The following SAFB2 variants were observed in gnomAD, a reference collection of about 807,000 sequenced individuals.
SAFB2 encodes the protein scaffold attachment factor B2.
In SAFB2, 32 loss-of-function variants were observed where a neutral mutation model predicts 100.6. The observed-to-expected ratio is 0.32, with a 90% CI of 0.24 to 0.43. The LOEUF (loss-of-function observed/expected upper bound fraction) is 0.43, where lower values mean the gene tolerates loss of function less well. SAFB2 is among the 20% of genes least tolerant of loss of function. SAFB2 has a pLI of 1.00. For synonymous variants in SAFB2, 500 were observed against 439.4 expected (o/e 1.14, Z -1.72); for missense variants, 1,185 against 1,163.4 (o/e 1.02, Z -0.27).
intron 8 of SAFB2, 198 bp from the exon 9 acceptor site, chr19:5,610,293 G>A: frequency 1.7e-6 from 1 of 600,458 alleles, no homozygotes; most frequent in Non-Finnish European, 3.0e-6. Context: ...CCTTACTCAA[G>A]GAATAATCAT....
intron 11 of SAFB2, among the ~76,000 whole-genome samples, chr19:5,601,471 G>A (rs1215165754): frequency 6.6e-6 from 1 of 152,162 alleles, no homozygotes; most frequent in African/African-American, 2.4e-5. Flanking sequence ...AGCACTTTGG[G>A]AGACCAAGGT....
intron 18 of SAFB2, among the ~76,000 whole-genome samples, chr19:5,589,275 C>G (rs577146214): frequency 1.3e-3 from 196 of 152,328 alleles, no homozygotes; most frequent in African/African-American, 4.5e-3. Context: ...CTAATGAAGT[C>G]TCACAGGAGA....
chr19:5,610,429 C>G lies in SAFB2; in HGVS notation c.1195+210G>C, dbSNP rs150716475. On this transcript the variant is annotated intron_variant, in intron 8 of 20. Transcript: ENST00000252542. ...TTCCTTTCTTGTAATGTGCTTTTCACCATCCCATAGATGACAACCACAAGA... is the reference window on the plus strand; with the variant it reads ...TTCCTTTCTTGTAATGTGCTTTTCAGCATCCCATAGATGACAACCACAAGA... The G allele has an allele frequency of 4.8e-3, 2,883 of 603,334 alleles. 20 individuals are homozygous for G. Among genetic ancestry groups the G allele is most frequent in the Non-Finnish European group, 6.4e-3 (2,146 of 337,820 alleles). 37.4% of individuals were successfully genotyped at this position (603,334 alleles called of 1,614,324 possible).
At chr19:5,599,088 C>T (rs2052598199) in intron 12 of SAFB2, among the ~76,000 whole-genome samples, 1 of 152,138 alleles carries the variant, frequency 6.6e-6, no homozygotes, top group South Asian at 2.1e-4. Flanking sequence ...CCTCACAGCT[C>T]TTTACACAAC....
At chr19:5,598,656 A>G in intron 13 of SAFB2, 137 bp downstream of exon 13, 2 of 699,314 alleles carry the variant, frequency 2.9e-6, no homozygotes, top group East Asian at 2.7e-5. Context: ...CTGTATCCGC[A>G]ATCTACACAA....
chr19:5,587,541 TC>T lies in SAFB2; in HGVS notation c.2706-143del. 1 of 1,466,406 alleles carries T rather than the reference TC, an allele frequency of 6.8e-7. No homozygotes were observed. The highest frequency in any genetic ancestry group is 9.1e-7 in the Non-Finnish European group (1 of 1,103,138). 90.8% of individuals were successfully genotyped at this position (1,466,406 alleles called of 1,614,324 possible). A position where few individuals can be genotyped will look rare whatever the true frequency, so the allele number is the denominator to read the frequency against. On this transcript the variant is annotated intron_variant, in intron 20 of 20. Transcript: ENST00000252542. The surrounding 1 kb of genome is among the most constrained non-coding windows in gnomAD (Gnocchi z 4.9). The stretch of plus-strand genomic sequence containing the variant: ...GAAAAATCATCATCGCACATTGTAT[TC>T]CAGGTAACTCAAGAGCGTTATTTGC...
chr19:5,622,212 C>G (rs988642011), intron 1 of SAFB2, among the ~76,000 whole-genome samples: 1 of 152,224 alleles, frequency 6.6e-6, no homozygotes, highest in African/African-American at 2.4e-5. Flanking sequence ...AGAAAGGCAC[C>G]TGCCCAAGGT....
At chr19:5,606,749 A>G (rs1228518974) in intron 9 of SAFB2, among the ~76,000 whole-genome samples, 1 of 152,246 alleles carries the variant, frequency 6.6e-6, no homozygotes, top group African/African-American at 2.4e-5. Context: ...ATACCCAGTG[A>G]AAATTTATTT....
intron 12 of SAFB2, among the ~76,000 whole-genome samples, chr19:5,599,145 A>C (rs1286316344): frequency 6.6e-6 from 1 of 152,118 alleles, no homozygotes; most frequent in Non-Finnish European, 1.5e-5. Flanking sequence ...CAGCACGCAC[A>C]CAAGCACGGC....
intron 11 of SAFB2, among the ~76,000 whole-genome samples, chr19:5,602,328 A>C (rs2052675946): frequency 6.6e-6 from 1 of 151,588 alleles, no homozygotes; most frequent in African/African-American, 2.4e-5. Flanking sequence ...AATACAAAAA[A>C]AATTAGCCGG....
Position 5,594,007 on chromosome 19 carries a change from C to G in SAFB2, c.2091G>C (p.Glu697Asp). ...GGATGCGCTCCTGCTCCTTCCTGCG[C>G]TCACGCTCCACGCGCATGCGCTCGC... is the stretch of plus-strand genomic sequence containing the variant. ...LERERMRVERERRKEQERIHR... is the reference protein window; with the variant it reads ...LERERMRVERDRRKEQERIHR... Residue 697 changes from glutamate to aspartate, a missense_variant, in exon 15 of 21, where the codon GAG becomes GAC. Physicochemically the swap from Glu to Asp is conservative, Grantham distance 45 (BLOSUM62 2). Coordinates refer to ENST00000252542, the MANE Select transcript of SAFB2 (RefSeq NM_014649.3). 3.2e-6 allele frequency: 5 copies of G among 1,562,840 alleles called. No individual in the cohort carries two copies. Among genetic ancestry groups the G allele is most frequent in the Non-Finnish European group, 4.3e-6 (5 of 1,161,242 alleles).
chr19:5,622,619 G>T lies in SAFB2; in HGVS notation c.97C>A (p.Leu33Met), dbSNP rs765259803. 1 of 1,612,618 alleles carries T rather than the reference G, an allele frequency of 6.2e-7. No homozygotes were observed. Among genetic ancestry groups the T allele is most frequent in the Non-Finnish European group, 8.5e-7 (1 of 1,179,656 alleles). The stretch of plus-strand genomic sequence containing the variant: ...TCCGCCCGCAGATCGATCACCCGCA[G>T]CTCGCTGAGCCGCCTCGTCCCAGTC... ...AETGTRRLSE[L>M]RVIDLRAELK... The change falls in exon 1 of 21, where the codon CTG becomes ATG. Residue 33 changes from leucine (L) to methionine (M), a missense_variant. Leu to Met is a conservative substitution (Grantham distance 15, BLOSUM62 2). Transcript: ENST00000252542.
At chr19:5,614,542 G>C (rs2052981021) in intron 4 of SAFB2, among the ~76,000 whole-genome samples, 1 of 152,184 alleles carries the variant, frequency 6.6e-6, no homozygotes, top group Non-Finnish European at 1.5e-5. Context: ...GCTGCCCTAG[G>C]TCAAAGGATG....
In SAFB2 at chr19:5,622,623, G is replaced by C. The variant is rs1313154436; in HGVS notation, c.93C>G (p.Ser31Arg). The change falls in exon 1 of 21, where the codon AGC (serine) becomes AGG (arginine). Residue 31 changes from serine (S) to arginine (R), a missense_variant. Around this residue, in one of 3 missense-constraint regions of SAFB2, gnomAD observed 351 missense variants for 341.2 expected, o/e 1.03. Coordinates refer to ENST00000252542, the MANE Select transcript of SAFB2 (RefSeq NM_014649.3). ...GVAETGTRRL[S>R]ELRVIDLRAE... ...CCCGCAGATCGATCACCCGCAGCTC[G>C]CTGAGCCGCCTCGTCCCAGTCTCCG... 1 of 1,612,036 alleles carries C rather than the reference G, an allele frequency of 6.2e-7. No homozygotes were observed. Among genetic ancestry groups the C allele is most frequent in the Non-Finnish European group, 8.5e-7 (1 of 1,179,540 alleles).
At chr19:5,598,636 A>G (rs2052584666) in intron 13 of SAFB2, 157 bp downstream of exon 13, 5 of 652,764 alleles carry the variant, frequency 7.7e-6, no homozygotes, top group East Asian at 2.8e-5. Flanking sequence ...ACCAGGATTC[A>G]TGTGTGTGTC....
intron 11 of SAFB2, among the ~76,000 whole-genome samples, chr19:5,602,404 C>T (rs927373679): frequency 3.8e-5 from 5 of 132,110 alleles, no homozygotes; most frequent in African/African-American, 8.4e-5. Context: ...GGCGTGAACC[C>T]GGGAGGCGGA....
At chr19:5,604,477 C>CT (rs1488508567) in intron 11 of SAFB2, 106 bp downstream of exon 11, 2 of 719,786 alleles carry the variant, frequency 2.8e-6, no homozygotes, top group Non-Finnish European at 4.7e-6. Context: ...GCTGGCAAGG[C>CT]TGCGTGGGTA....
chr19:5,610,071 C>T lies in SAFB2; in HGVS notation c.1220G>A (p.Arg407Gln), dbSNP rs779188321. The T allele has an allele frequency of 3.3e-5, 54 of 1,614,012 alleles. No homozygotes were observed. The highest frequency in any genetic ancestry group is 1.6e-4 in the Middle Eastern group (1 of 6,084). The part of the protein sequence containing the change: ...EKGRVGSGSG[R>Q]NLWVSGLSST... ...GGACAGCCCGCTGACCCACAGGTTC[C>T]GACCAGAACCGCTGCCGACCCGACC... Residue 407 changes from arginine (R) to glutamine (Q), a missense_variant, in exon 9 of 21, where the codon CGG becomes CAG. By Grantham distance (43) the Arg-to-Gln change is conservative (BLOSUM62 1). This residue lies in a region of SAFB2 where 94 missense variants were observed against 135.1 expected (regional missense o/e 0.70). Coordinates refer to ENST00000252542, the MANE Select transcript of SAFB2 (RefSeq NM_014649.3).
In SAFB2 at chr19:5,587,407, CAA is replaced by C. The variant is rs1207240416; in HGVS notation, c.2706-10_2706-9del. On this transcript the variant is annotated splice_polypyrimidine_tract_variant and intron_variant, in intron 20 of 20. Coordinates refer to ENST00000252542, the MANE Select transcript of SAFB2 (RefSeq NM_014649.3). This position sits in a 1 kb window ranked among gnomAD's most constrained non-coding sequence, Gnocchi z 4.9. ...TGTGCAAAGCCGCCTCGCCTAGGAA[CAA>C]AGTCAGACAATTTTTTTCCCCTTGA... 1 of 1,605,040 alleles carries C rather than the reference CAA, an allele frequency of 6.2e-7. No homozygotes were observed. Among genetic ancestry groups the C allele is most frequent in the Non-Finnish European group, 8.5e-7 (1 of 1,175,666 alleles).
Sources: gnomAD v4.1 joint callset for allele counts (sites outside exome capture counted in the v4.1 genomes callset) on GRCh38, gnomAD v4.1.1 for gene constraint, gnomAD v4.1.1 regional missense constraint, Gnocchi (gnomAD v3.1) non-coding constraint, MANE v1.5 for transcripts, NCBI Gene and HGNC (gene_info 2026-07-23, HGNC 2026-07-21) for gene names.